UNC5D: variants seen among roughly 807,000 people sequenced by gnomAD.
The protein encoded by UNC5D is netrin receptor UNC5D.
A neutral mutation model predicts 105.4 loss-of-function variants in UNC5D; 39 were observed. The observed-to-expected ratio is 0.37, with a 90% CI of 0.29 to 0.48. UNC5D has a LOEUF of 0.48. UNC5D is among the 20% of genes least tolerant of loss of function. The probability of loss-of-function intolerance (pLI) is 0.98; values close to 1 mark genes in which losing one functional copy is unlikely to be tolerated. For synonymous variants in UNC5D, 452 were observed against 450.4 expected (o/e 1.00, Z -0.04); for missense variants, 991 against 1,202.4 (o/e 0.82, Z 2.60).
intron 4 of UNC5D, among the ~76,000 whole-genome samples, chr8:35,656,005 G>A (rs1823710361): frequency 6.6e-6 from 1 of 152,144 alleles, no homozygotes. Flanking sequence ...TCTTTGTTCA[G>A]CAGAAGGAAC....
At chr8:35,772,801 CT>C (rs5890830) in intron 15 of UNC5D, among the ~76,000 whole-genome samples, 140,786 of 145,228 alleles carry the variant, frequency 0.97, 68,222 homozygotes, top group East Asian at 0.99. Context: ...GCTCAGAGTC[CT>C]TTTTTTTTTT....
intron 1 of UNC5D, among the ~76,000 whole-genome samples, chr8:35,355,668 T>C (rs1391122928): frequency 6.6e-6 from 1 of 152,110 alleles, no homozygotes; most frequent in Non-Finnish European, 1.5e-5. Context: ...GAAAATCATA[T>C]GTTGAAACAC....
chr8:35,445,843 T>G (rs1040620949), intron 1 of UNC5D, among the ~76,000 whole-genome samples: 1 of 152,082 alleles, frequency 6.6e-6, no homozygotes, highest in African/African-American at 2.4e-5. Context: ...TCTGTAGTAT[T>G]TATTTATGAG....
intron 2 of UNC5D, among the ~76,000 whole-genome samples, chr8:35,552,676 G>A (rs755180100): frequency 4.2e-4 from 64 of 152,166 alleles, no homozygotes; most frequent in African/African-American, 1.5e-3. Context: ...TTGGCATTTC[G>A]ATGGGGAAAG....
In UNC5D at chr8:35,568,144, G is replaced by A. The variant is rs370035019; in HGVS notation, c.369G>A (p.Val123=). ...TCATCAATGTTACTAGGCAACAGGT[G>A]GAGGACTTCCATGGGCCCGAGGACT... ...EVFINVTRQQ[V]EDFHGPEDYW... is the part of the protein sequence containing the mutation. Residue 123 remains valine (V), a synonymous_variant, in exon 3 of 17, where the codon GTG becomes GTA. Transcript: ENST00000404895. 1 of 1,614,204 alleles carries A rather than the reference G, an allele frequency of 6.2e-7. No individual in the cohort carries two copies. Among genetic ancestry groups the A allele is most frequent in the Non-Finnish European group, 8.5e-7 (1 of 1,180,040 alleles).
At chr8:35,730,664 G>T (rs527514452) in intron 10 of UNC5D, among the ~76,000 whole-genome samples, 3 of 152,050 alleles carry the variant, frequency 2.0e-5, no homozygotes, top group Middle Eastern at 3.4e-3. Context: ...AAATTTTGGA[G>T]CAGATTAAGT....
chr8:35,245,472 G>A (rs937862176), intron 1 of UNC5D, among the ~76,000 whole-genome samples: 8 of 152,052 alleles, frequency 5.3e-5, no homozygotes, highest in Non-Finnish European at 1.2e-4. Flanking sequence ...GTATCGGGAG[G>A]TTTCCAAAGT....
intron 1 of UNC5D, among the ~76,000 whole-genome samples, chr8:35,307,938 T>C (rs1808550475): frequency 6.6e-6 from 1 of 152,156 alleles, no homozygotes; most frequent in Non-Finnish European, 1.5e-5. Flanking sequence ...TATTGGCATA[T>C]GTGGCGATAT....
chr8:35,255,417 A>G (rs989566888), intron 1 of UNC5D: 4 of 152,210 alleles, frequency 2.6e-5, no homozygotes, highest in Admixed American at 2.6e-4. Flanking sequence ...GAGCTAATTA[A>G]GAGACACAAA....
intron 3 of UNC5D, among the ~76,000 whole-genome samples, chr8:35,579,265 G>A (rs1355221598): frequency 6.6e-6 from 1 of 152,190 alleles, no homozygotes; most frequent in Non-Finnish European, 1.5e-5. Context: ...AGGATGAGAA[G>A]ATGCATTCCA....
intron 14 of UNC5D, among the ~76,000 whole-genome samples, chr8:35,760,491 A>G (rs926493890): frequency 6.6e-6 from 1 of 152,170 alleles, no homozygotes; most frequent in African/African-American, 2.4e-5. Context: ...GTACATGCTT[A>G]GCCTTAAAAG....
chr8:35,511,388 A>G (rs1304103818), intron 1 of UNC5D, among the ~76,000 whole-genome samples: 1 of 150,940 alleles, frequency 6.6e-6, no homozygotes, highest in Non-Finnish European at 1.5e-5. Context: ...AGTCCTAGCC[A>G]CTTAGGAGGC....
At chr8:35,652,932 T>C (rs1823515843) in intron 4 of UNC5D, among the ~76,000 whole-genome samples, 1 of 142,640 alleles carries the variant, frequency 7.0e-6, no homozygotes, top group East Asian at 2.0e-4. Context: ...TTTTTTTTTT[T>C]TTTTTTTTTT....
intron 1 of UNC5D, among the ~76,000 whole-genome samples, chr8:35,247,240 T>C (rs200539391): frequency 6.8e-6 from 1 of 146,278 alleles, no homozygotes; most frequent in East Asian, 2.0e-4. Context: ...TATTTAAATG[T>C]TTATATTTTT....
chr8:35,333,091 C>T (rs1810747489), intron 1 of UNC5D, among the ~76,000 whole-genome samples: 1 of 152,118 alleles, frequency 6.6e-6, no homozygotes, highest in Non-Finnish European at 1.5e-5. Context: ...TTCATGCCTG[C>T]AGTCCCAGCC....
chr8:35,695,089 C>T (rs932162442), intron 7 of UNC5D, among the ~76,000 whole-genome samples: 1 of 152,140 alleles, frequency 6.6e-6, no homozygotes, highest in Non-Finnish European at 1.5e-5. Flanking sequence ...ATTCTTTATA[C>T]AAACTATTTT....
At chr8:35,271,660 T>TACAGG (rs1229442003) in intron 1 of UNC5D, among the ~76,000 whole-genome samples, 36 of 132,218 alleles carry the variant, frequency 2.7e-4, no homozygotes, top group African/African-American at 1.0e-3. Context: ...TATACCTATA[T>TACAGG]TTATACAGGT....
chr8:35,450,673 A>G (rs562618539), intron 1 of UNC5D, among the ~76,000 whole-genome samples: 1 of 152,302 alleles, frequency 6.6e-6, no homozygotes, highest in South Asian at 2.1e-4. Flanking sequence ...TCAGTAAAAA[A>G]CTACAGATTG....
chr8:35,708,726 C>T (rs995279173), intron 8 of UNC5D, among the ~76,000 whole-genome samples: 3 of 152,106 alleles, frequency 2.0e-5, no homozygotes, highest in Non-Finnish European at 1.5e-5. Context: ...TGACTCAATA[C>T]TATACAGTCT....
Sources: gnomAD v4.1 joint callset for allele counts (sites outside exome capture counted in the v4.1 genomes callset) on GRCh38, gnomAD v4.1.1 for gene constraint, MANE v1.5 for transcripts, NCBI Gene and HGNC (gene_info 2026-07-23, HGNC 2026-07-21) for gene names.